The following EYS variants were observed in gnomAD, a reference collection of about 807,000 sequenced individuals.
The protein encoded by EYS is EGF-like photoreceptor maintenance factor.
EYS carries 250 observed loss-of-function variants against 282.1 expected under a neutral mutation model. The ratio of observed to expected loss-of-function variants is 0.89; its 90% CI spans 0.80 to 0.98. The LOEUF (loss-of-function observed/expected upper bound fraction) is 0.98, where lower values mean the gene tolerates loss of function less well. Among genes scored for constraint, EYS ranks in the 50% least tolerant of loss-of-function variants. EYS has a pLI of 0.00. For missense variants in EYS, 4,016 were observed against 3,709.0 expected, an observed-to-expected ratio of 1.08 and a Z score of -2.15; for synonymous variants, 1,355 against 1,282.9, an observed-to-expected ratio of 1.06 and a Z score of -1.20.
chr6:64,058,484 G>C (rs35147538), intron 33 of EYS, among the ~76,000 whole-genome samples: 47 of 152,248 alleles, frequency 3.1e-4, no homozygotes, highest in Non-Finnish European at 5.3e-4. Flanking sequence ...GTTAAGGAGA[G>C]CTAGGGGGAC....
intron 26 of EYS, among the ~76,000 whole-genome samples, chr6:64,559,077 G>T (rs981605696): frequency 6.6e-6 from 1 of 152,022 alleles, no homozygotes; most frequent in Non-Finnish European, 1.5e-5. Context: ...ACAAAAATTA[G>T]AATTATGACA....
intron 4 of EYS, among the ~76,000 whole-genome samples, chr6:65,494,341 T>C (rs966498136): frequency 7.9e-5 from 12 of 151,924 alleles, no homozygotes; most frequent in African/African-American, 2.7e-4. Flanking sequence ...GCAGTGGCGC[T>C]ATGTCGGCTC....
intron 29 of EYS, among the ~76,000 whole-genome samples, chr6:64,339,070 CT>C (rs879828550): frequency 6.6e-5 from 10 of 151,932 alleles, no homozygotes; most frequent in Admixed American, 1.3e-4. Flanking sequence ...TAGACATTGG[CT>C]TAGGCAAGAA....
rs1768623734 is a variant in EYS at position 63,726,563 on chromosome 6, T to C, written c.8189A>G (p.Asp2730Gly). 1 of 1,551,408 alleles carries C rather than the reference T, an allele frequency of 6.4e-7. No homozygotes were observed. Among genetic ancestry groups the C allele is most frequent in the Non-Finnish European group, 8.7e-7 (1 of 1,146,806 alleles). The stretch of plus-strand genomic sequence containing the variant: ...TTGTGCAGCATAAAATAGGATACCA[T>C]CTGCAGCGAGAGGCTGAAACTGCAA... Reference protein sequence around the residue: ...IQLQFQPLAADGILFYAAQHL... With the variant: ...IQLQFQPLAAGGILFYAAQHL... Residue 2730 changes from aspartate (D) to glycine (G), a missense_variant, in exon 42 of 43, where the codon GAT becomes GGT. Asp to Gly is a moderately conservative substitution (Grantham distance 94). Transcript: ENST00000503581.
intron 34 of EYS, among the ~76,000 whole-genome samples, chr6:63,989,658 A>G (rs1391948480): frequency 6.6e-6 from 1 of 151,492 alleles, no homozygotes; most frequent in Non-Finnish European, 1.5e-5. Context: ...TTTTTTTTAC[A>G]AATGACATGA....
At position 64,438,283 on chromosome 6, in the gene EYS, A is replaced by G. The variant is rs550249850; in HGVS notation, c.5835+879T>C. ...AACCCCAAGGAGTTTTTGTTAACTCAGTTGTGTCTATCAATATTTACATTG... is the reference window on the plus strand; with the variant it reads ...AACCCCAAGGAGTTTTTGTTAACTCGGTTGTGTCTATCAATATTTACATTG... On this transcript the variant is annotated intron_variant, in intron 27 of 42. Coordinates refer to ENST00000503581, the MANE Select transcript of EYS (RefSeq NM_001142800.2). 7.2e-4 allele frequency among the ~76,000 whole-genome samples: 110 copies of G among 151,928 alleles called. 1 individual carries two copies. The highest frequency in any genetic ancestry group is 2.6e-3 in the African/African-American group (107 of 41,554).
chr6:63,799,397 A>C (rs990827584), intron 37 of EYS, among the ~76,000 whole-genome samples: 8 of 152,168 alleles, frequency 5.3e-5, no homozygotes, highest in Non-Finnish European at 1.2e-4. Flanking sequence ...TGATTCAAAC[A>C]GTGCTACATG....
At chr6:64,781,667 A>G (rs1227310931) in intron 22 of EYS, among the ~76,000 whole-genome samples, 2 of 151,670 alleles carry the variant, frequency 1.3e-5, no homozygotes, top group Non-Finnish European at 2.9e-5. Flanking sequence ...CTTGGGCGTC[A>G]TGTTGACTAT....
chr6:63,915,405 A>G (rs897546748), intron 35 of EYS, among the ~76,000 whole-genome samples: 1 of 152,226 alleles, frequency 6.6e-6, no homozygotes, highest in Admixed American at 6.5e-5. Context: ...ACTGCTACTC[A>G]TTGACAATGC....
At chr6:63,886,288 G>T (rs1053237476) in intron 35 of EYS, among the ~76,000 whole-genome samples, 1 of 152,098 alleles carries the variant, frequency 6.6e-6, no homozygotes, top group Non-Finnish European at 1.5e-5. Flanking sequence ...GTTAAAAGTT[G>T]ATATATTTTA....
Position 63,933,599 on chromosome 6 carries a change from C to T in EYS, c.7055+50784G>A, listed in dbSNP as rs113719565. ...CAACTCTACCTTCAGCCCCTCTCCT[C>T]TTCCCAGAGGTCTGGGGTGGGGCTG... is the stretch of plus-strand genomic sequence containing the variant. On this transcript the variant is annotated intron_variant, in intron 35 of 42. Transcript: ENST00000503581. Among the ~76,000 whole-genome samples, 768 of 152,308 alleles carry T rather than the reference C, an allele frequency of 5.0e-3. 2 individuals carry two copies. The highest frequency in any genetic ancestry group is 0.017 in the African/African-American group (714 of 41,560).
intron 12 of EYS, among the ~76,000 whole-genome samples, chr6:65,235,902 T>A (rs1363198486): frequency 1.3e-5 from 2 of 152,100 alleles, no homozygotes; most frequent in Non-Finnish European, 2.9e-5. Context: ...ATCTTAATAT[T>A]ACCAGAATTT....
At chr6:64,491,282 C>T (rs999115030) in intron 26 of EYS, among the ~76,000 whole-genome samples, 4 of 150,758 alleles carry the variant, frequency 2.7e-5, no homozygotes, top group Admixed American at 2.7e-4. Flanking sequence ...ACAAAATAAA[C>T]CACAACTCCT....
intron 36 of EYS, among the ~76,000 whole-genome samples, chr6:63,829,176 G>T (rs946339342): frequency 1.3e-5 from 2 of 152,112 alleles, no homozygotes; most frequent in African/African-American, 4.8e-5. Flanking sequence ...ACAGAAGATG[G>T]GTAATTTCTG....
At chr6:64,703,916 T>C (rs1423829620) in intron 22 of EYS, among the ~76,000 whole-genome samples, 2 of 152,164 alleles carry the variant, frequency 1.3e-5, no homozygotes, top group Non-Finnish European at 2.9e-5. Flanking sequence ...ATTTTATCTT[T>C]CTCAGAGCTG....
At chr6:65,582,255 C>T (rs1425004454) in intron 2 of EYS, among the ~76,000 whole-genome samples, 1 of 151,526 alleles carries the variant, frequency 6.6e-6, no homozygotes, top group Admixed American at 6.6e-5. Context: ...AACATTTGAT[C>T]TTTTACCAGT....
intron 29 of EYS, among the ~76,000 whole-genome samples, chr6:64,349,779 T>C (rs1271828599): frequency 2.6e-5 from 4 of 151,586 alleles, no homozygotes; most frequent in African/African-American, 7.3e-5. Context: ...AAAATAATTA[T>C]TCAATAACAA....
At chr6:65,630,859 C>T (rs1390283602) in intron 2 of EYS, among the ~76,000 whole-genome samples, 6 of 152,090 alleles carry the variant, frequency 3.9e-5, no homozygotes, top group Non-Finnish European at 7.4e-5. Flanking sequence ...TGGAAGAAAA[C>T]TTACTGAATG....
At chr6:64,592,150 G>A (rs1305541869) in intron 25 of EYS, among the ~76,000 whole-genome samples, 161 bp from the exon 26 acceptor site, 19 of 152,080 alleles carry the variant, frequency 1.2e-4, no homozygotes, top group Admixed American at 1.2e-3. Flanking sequence ...AGTACATGAG[G>A]AGTTTAATGA....
Sources: allele counts gnomAD v4.1 joint callset (sites outside exome capture counted in the v4.1 genomes callset), GRCh38; gene constraint gnomAD v4.1.1; transcripts MANE v1.5; gene names NCBI Gene and HGNC (gene_info 2026-07-23, HGNC 2026-07-21).